The following CRACR2A variants were observed in gnomAD, a reference collection of about 807,000 sequenced individuals.
The protein encoded by CRACR2A is calcium release activated channel regulator 2A, also known as EF-hand calcium-binding domain-containing protein 4B.
A neutral mutation model predicts 90.5 loss-of-function variants in CRACR2A; 79 were observed. The observed-to-expected ratio is 0.87, with a 90% confidence interval of 0.73 to 1.05. CRACR2A has a LOEUF of 1.05. Ranked by LOEUF, CRACR2A falls within the 50% of genes least tolerant of loss-of-function variation. The probability of loss-of-function intolerance (pLI) is 0.00; values close to 1 mark genes in which losing one functional copy is unlikely to be tolerated. For synonymous variants in CRACR2A, 338 were observed against 356.7 expected, an observed-to-expected ratio of 0.95 and a Z score of 0.59; for missense variants, 823 against 897.2, an observed-to-expected ratio of 0.92 and a Z score of 1.06.
chr12:3,729,700 C>G (rs1946329767), intron 2 of CRACR2A: 1 of 152,100 alleles, frequency 6.6e-6, no homozygotes, highest in South Asian at 2.1e-4. Flanking sequence ...GAGACTCTGT[C>G]TCAAGAAAAA....
At chr12:3,634,994 C>T (rs969387475) in intron 14 of CRACR2A, among the ~76,000 whole-genome samples, 2 of 152,160 alleles carry the variant, frequency 1.3e-5, no homozygotes, top group African/African-American at 4.8e-5. Context: ...GAGACTAAAA[C>T]TCAATGTATC....
At chr12:3,721,953 A>G (rs1051478748) in intron 2 of CRACR2A, among the ~76,000 whole-genome samples, 1 of 152,228 alleles carries the variant, frequency 6.6e-6, no homozygotes, top group Non-Finnish European at 1.5e-5. Flanking sequence ...GAGATAGGAC[A>G]GGAGGGCTAG....
chr12:3,625,161 C>T (rs534319269), intron 17 of CRACR2A, among the ~76,000 whole-genome samples: 1 of 152,312 alleles, frequency 6.6e-6, no homozygotes, highest in East Asian at 1.9e-4. Context: ...TCTGATTTAA[C>T]TATGTATAGA....
intron 7 of CRACR2A, among the ~76,000 whole-genome samples, chr12:3,664,728 CG>C (rs1267795830): frequency 6.6e-6 from 1 of 152,180 alleles, no homozygotes; most frequent in Non-Finnish European, 1.5e-5. Flanking sequence ...TCCTTCTGGC[CG>C]GGCACAGTGG....
intron 2 of CRACR2A, among the ~76,000 whole-genome samples, chr12:3,722,038 T>C (rs756309107): frequency 1.8e-4 from 28 of 152,352 alleles, no homozygotes; most frequent in Non-Finnish European, 3.8e-4. Flanking sequence ...TGATTGTTGC[T>C]GATGCATCAC....
chr12:3,702,795 T>A (rs1945853332), intron 3 of CRACR2A, among the ~76,000 whole-genome samples: 1 of 152,156 alleles, frequency 6.6e-6, no homozygotes, highest in Non-Finnish European at 1.5e-5. Flanking sequence ...GATTTAGAAT[T>A]CACACAAAAA....
intron 4 of CRACR2A, among the ~76,000 whole-genome samples, chr12:3,684,128 G>A (rs1005240813): frequency 6.6e-6 from 1 of 152,128 alleles, no homozygotes; most frequent in Non-Finnish European, 1.5e-5. Context: ...ATGCTTCCAT[G>A]ACATTTTTAT....
intron 4 of CRACR2A, among the ~76,000 whole-genome samples, chr12:3,691,690 C>T (rs12580735): frequency 0.14 from 20,652 of 152,066 alleles, 1,573 homozygotes; most frequent in Admixed American, 0.22. Flanking sequence ...GAATGTTGGC[C>T]TCTCTAGCTA....
chr12:3,620,515 A>T (rs1944110473), intron 17 of CRACR2A, among the ~76,000 whole-genome samples: 1 of 152,216 alleles, frequency 6.6e-6, no homozygotes, highest in African/African-American at 2.4e-5. Flanking sequence ...ATGTTTCCTT[A>T]ATCTGTGCAT....
intron 7 of CRACR2A, among the ~76,000 whole-genome samples, chr12:3,663,220 C>T (rs891361075): frequency 6.6e-5 from 10 of 151,720 alleles, no homozygotes; most frequent in Non-Finnish European, 8.8e-5. Flanking sequence ...TTTTGGGTAC[C>T]GAACTCAGAA....
intron 1 of CRACR2A, among the ~76,000 whole-genome samples, chr12:3,749,056 G>A (rs1031805660): frequency 6.6e-6 from 1 of 152,164 alleles, no homozygotes; most frequent in African/African-American, 2.4e-5. Flanking sequence ...ACCGTGTATC[G>A]GCTGTGTGAC....
At chr12:3,644,535 G>C in intron 12 of CRACR2A, 60 bp downstream of exon 12, 2 of 1,504,656 alleles carry the variant, frequency 1.3e-6, no homozygotes, top group Non-Finnish European at 1.8e-6. Context: ...ACATGGATCT[G>C]GCTGTCCAGT....
chr12:3,696,216 C>A (rs1489842752), intron 4 of CRACR2A, among the ~76,000 whole-genome samples: 2 of 152,236 alleles, frequency 1.3e-5, no homozygotes, highest in African/African-American at 4.8e-5. Context: ...AATATTTATT[C>A]TCTGGACCTT....
chr12:3,680,112 G>A, intron 5 of CRACR2A, 126 bp downstream of exon 5: 1 of 689,816 alleles, frequency 1.4e-6, no homozygotes, highest in Non-Finnish European at 2.5e-6. Context: ...TGAGCTCCAG[G>A]TCCCTGAAAG....
intron 17 of CRACR2A, among the ~76,000 whole-genome samples, chr12:3,620,840 A>G (rs1374647168): frequency 1.3e-5 from 2 of 152,240 alleles, no homozygotes; most frequent in Non-Finnish European, 2.9e-5. Flanking sequence ...AAAATAGATT[A>G]AATTCTGGAC....
At chr12:3,726,570 C>T (rs1010935521) in intron 2 of CRACR2A, 1 of 151,872 alleles carries the variant, frequency 6.6e-6, no homozygotes, top group Non-Finnish European at 1.5e-5. Flanking sequence ...CTTTCCTGGC[C>T]GTATATGATA....
In CRACR2A at chr12:3,659,662, G is replaced by A; in HGVS notation, c.672-8C>T. On this transcript the variant is annotated splice_region_variant and splice_polypyrimidine_tract_variant and intron_variant, in intron 7 of 19. Coordinates refer to ENST00000440314, the MANE Select transcript of CRACR2A (RefSeq NM_001144958.2). Reference sequence around the variant, plus strand: ...TCATAAGCAGCAATTTTCCTACAGAGGTGGCAAAAGGAGAGTCTCATTGAG... The same window carrying A: ...TCATAAGCAGCAATTTTCCTACAGAAGTGGCAAAAGGAGAGTCTCATTGAG... 1.2e-6 allele frequency: 2 copies of A among 1,613,004 alleles called. No individual in the cohort carries two copies. The highest frequency in any genetic ancestry group is 8.5e-7 in the Non-Finnish European group (1 of 1,178,984).
In CRACR2A at chr12:3,633,559, T is replaced by G. The variant is rs1171929578; in HGVS notation, c.1735+45A>C. On this transcript the variant is annotated intron_variant, in intron 15 of 19. Coordinates refer to ENST00000440314, the MANE Select transcript of CRACR2A (RefSeq NM_001144958.2). The surrounding 1 kb of genome is among the most constrained non-coding windows in gnomAD (Gnocchi z 4.5). ...CCGGGCCCCCTTCTCACAAACTCCC[T>G]TCCCAAAGATGGGCCTAGGACCCAC... 1 of 1,549,810 alleles carries G rather than the reference T, an allele frequency of 6.5e-7. No individual in the cohort carries two copies. Among genetic ancestry groups the G allele is most frequent in the Admixed American group, 2.0e-5 (1 of 50,906 alleles).
chr12:3,743,911 C>T (rs559588015), intron 1 of CRACR2A, among the ~76,000 whole-genome samples: 7 of 152,134 alleles, frequency 4.6e-5, no homozygotes, highest in African/African-American at 1.4e-4. Flanking sequence ...CCAGAGGACA[C>T]GTCGCAGAAG....
Sources: allele counts gnomAD v4.1 joint callset (sites outside exome capture counted in the v4.1 genomes callset), GRCh38; gene constraint gnomAD v4.1.1; non-coding constraint Gnocchi (gnomAD v3.1); transcripts MANE v1.5; gene names NCBI Gene and HGNC (gene_info 2026-07-23, HGNC 2026-07-21).